The following SH3D19 variants were observed in gnomAD, a reference collection of about 807,000 sequenced individuals.
SH3D19 encodes SH3 domain containing 19.
In SH3D19, 58 loss-of-function variants were observed where a neutral mutation model predicts 112.1. The observed-to-expected ratio is 0.52, with a 90% CI of 0.42 to 0.64. SH3D19 has a LOEUF of 0.64. Ranked by LOEUF, SH3D19 falls within the 30% of genes least tolerant of loss-of-function variation. The pLI is 0.00. For missense variants in SH3D19, 1,090 were observed against 1,263.4 expected, an observed-to-expected ratio of 0.86 and a Z score of 2.08; for synonymous variants, 391 against 448.5, an observed-to-expected ratio of 0.87 and a Z score of 1.62.
chr4:151,244,005 T>C (rs1041165719), intron 1 of SH3D19, among the ~76,000 whole-genome samples: 39 of 152,238 alleles, frequency 2.6e-4, no homozygotes, highest in African/African-American at 9.2e-4. Flanking sequence ...CAGAGCCTTA[T>C]GTACATTTGT....
chr4:151,187,048 C>T (rs565585571), intron 3 of SH3D19, among the ~76,000 whole-genome samples: 22 of 152,024 alleles, frequency 1.4e-4, no homozygotes, highest in Middle Eastern at 3.4e-3. Context: ...CCTGCCTTGG[C>T]CTCCCAAAGT....
intron 2 of SH3D19, among the ~76,000 whole-genome samples, chr4:151,188,721 T>G (rs188631363): frequency 3.7e-4 from 56 of 152,312 alleles, no homozygotes; most frequent in Non-Finnish European, 6.8e-4. Flanking sequence ...TCTCTTTTGT[T>G]GAGAAGGAAG....
chr4:151,275,950 C>A (rs1289031185), intron 1 of SH3D19, among the ~76,000 whole-genome samples: 1 of 151,282 alleles, frequency 6.6e-6, no homozygotes, highest in Non-Finnish European at 1.5e-5. Context: ...TCAAGCGATT[C>A]TCCTGCCTCA....
chr4:151,170,193 G>A (rs576321281), intron 7 of SH3D19, among the ~76,000 whole-genome samples: 38 of 152,246 alleles, frequency 2.5e-4, no homozygotes, highest in African/African-American at 8.7e-4. Flanking sequence ...TTACCGTGGG[G>A]AGTTTACATT....
At chr4:151,204,966 G>A (rs1271481142) in intron 2 of SH3D19, among the ~76,000 whole-genome samples, 2 of 151,844 alleles carry the variant, frequency 1.3e-5, no homozygotes, top group Non-Finnish European at 2.9e-5. Context: ...GATTACAGGT[G>A]CGCACCACCA....
At chr4:151,306,096 CAGGG>C (rs1460760475) in intron 1 of SH3D19, among the ~76,000 whole-genome samples, 1 of 152,114 alleles carries the variant, frequency 6.6e-6, no homozygotes, top group Non-Finnish European at 1.5e-5. Flanking sequence ...ATTATACAGA[CAGGG>C]AGCAGATCAT....
At chr4:151,199,338 C>A (rs977039320) in intron 2 of SH3D19, among the ~76,000 whole-genome samples, 4 of 152,068 alleles carry the variant, frequency 2.6e-5, no homozygotes, top group African/African-American at 9.7e-5. Flanking sequence ...TAAAAAGATT[C>A]ACAGAGAGGA....
In SH3D19 at chr4:151,149,520, T is replaced by C; in HGVS notation, c.1797A>G (p.Val599=). ...HPGQTGGFVR[V]PPRLPPRPVN... ...CTTACCTCGGTGGCAACCTTGGGGG[T>C]ACTCGCACAAAACCTCCTGTTTGAC... The change falls in exon 10 of 20, where the codon GTA becomes GTG. Residue 599 remains valine, a synonymous_variant. Transcript: ENST00000604030. The C allele has an allele frequency of 6.2e-7, 1 of 1,611,460 alleles. No homozygotes were observed. Among genetic ancestry groups the C allele is most frequent in the Non-Finnish European group, 8.5e-7 (1 of 1,178,644 alleles).
At chr4:151,234,684 C>T (rs1159022403) in intron 1 of SH3D19, among the ~76,000 whole-genome samples, 1 of 150,322 alleles carries the variant, frequency 6.7e-6, no homozygotes, top group East Asian at 1.9e-4. Context: ...TTGGGCCATT[C>T]CTAAAGGTTT....
At chr4:151,212,430 G>T (rs1255379431) in intron 2 of SH3D19, among the ~76,000 whole-genome samples, 1 of 152,098 alleles carries the variant, frequency 6.6e-6, no homozygotes, top group East Asian at 1.9e-4. Flanking sequence ...TACGTGTGAG[G>T]GGCACCTGGC....
At chr4:151,273,278 G>A (rs1029731006) in intron 1 of SH3D19, among the ~76,000 whole-genome samples, 2 of 151,972 alleles carry the variant, frequency 1.3e-5, no homozygotes, top group Non-Finnish European at 2.9e-5. Flanking sequence ...CAGTACTTCC[G>A]ATTTGTCCAG....
chr4:151,257,308 G>A (rs985090996), intron 1 of SH3D19, among the ~76,000 whole-genome samples: 12 of 151,934 alleles, frequency 7.9e-5, no homozygotes, highest in African/African-American at 1.5e-4. Flanking sequence ...GGCTAGTCTC[G>A]AACTCCTGAC....
At chr4:151,283,185 C>G in intron 1 of SH3D19, 2 of 1,613,868 alleles carry the variant, frequency 1.2e-6, no homozygotes, top group Non-Finnish European at 1.7e-6. Flanking sequence ...TTGTGAACAG[C>G]TCTACAATCC....
intron 1 of SH3D19, among the ~76,000 whole-genome samples, chr4:151,296,666 A>C (rs1011565730): frequency 2.0e-5 from 3 of 152,208 alleles, no homozygotes; most frequent in Admixed American, 2.0e-4. Flanking sequence ...AAATTTGCAG[A>C]ATATTTTATT....
chr4:151,131,280 A>G (rs1439636108), intron 17 of SH3D19, among the ~76,000 whole-genome samples: 1 of 121,214 alleles, frequency 8.2e-6, no homozygotes, highest in Non-Finnish European at 1.8e-5. Context: ...GTGACAAATA[A>G]GAATGTGTAC....
rs185984848 is a variant in SH3D19, at chr4:151,322,848, A to G, written c.112+2393T>C. On this transcript the variant is annotated intron_variant, in intron 1 of 19. Coordinates refer to ENST00000604030, the MANE Select transcript of SH3D19 (RefSeq NM_001378122.1). ...TTCTGCTGGGTTGATAAAATACAGG[A>G]CAATTCCACTTAAATGATCTTAAAA... 5.2e-4 allele frequency among the ~76,000 whole-genome samples: 79 copies of G among 152,312 alleles called. 1 individual carries two copies. Among genetic ancestry groups the G allele is most frequent in the Admixed American group, 4.8e-3 (74 of 15,304 alleles).
chr4:151,218,684 T>C (rs540747470), intron 2 of SH3D19, among the ~76,000 whole-genome samples: 12 of 152,354 alleles, frequency 7.9e-5, no homozygotes, highest in Admixed American at 6.5e-4. Flanking sequence ...GATCCTTTCC[T>C]GGCCCATTCA....
In SH3D19 at chr4:151,207,725, C is replaced by T. The variant is rs1278544663; in HGVS notation, c.152+18322G>A. ...AGCACAAATGTATAAGAGCAAATAC[C>T]GCCTGGATCAAGGTGTTTATGCAGA... On this transcript the variant is annotated intron_variant, in intron 2 of 19. Transcript: ENST00000604030. 7.9e-5 allele frequency among the ~76,000 whole-genome samples: 12 copies of T among 152,172 alleles called. No individual in the cohort carries two copies. The East Asian group carries it at 1.9e-3, about 24-fold the overall frequency.
chr4:151,265,826 C>G (rs1772745935), intron 1 of SH3D19, among the ~76,000 whole-genome samples: 1 of 152,012 alleles, frequency 6.6e-6, no homozygotes, highest in African/African-American at 2.4e-5. Flanking sequence ...CTCAAGCGAT[C>G]CACCCGCCTC....
Sources: allele counts gnomAD v4.1 joint callset (sites outside exome capture counted in the v4.1 genomes callset), GRCh38; gene constraint gnomAD v4.1.1; transcripts MANE v1.5; gene names NCBI Gene and HGNC (gene_info 2026-07-23, HGNC 2026-07-21).